COL21A1: variants seen among roughly 807,000 people sequenced by gnomAD.
The protein encoded by COL21A1 is collagen type XXI alpha 1 chain, also known as collagen alpha-1(XXI) chain.
COL21A1 carries 149 observed loss-of-function variants against 137.9 expected under a neutral mutation model. The observed-to-expected ratio is 1.08, with a 90% CI of 0.95 to 1.24. The LOEUF (loss-of-function observed/expected upper bound fraction) is 1.24. COL21A1 is among the 50% of genes most tolerant of loss of function. COL21A1 has a pLI of 0.00. For synonymous variants in COL21A1, 456 were observed against 391.5 expected, an observed-to-expected ratio of 1.16 and a Z score of -1.95; for missense variants, 1,167 against 1,158.4, an observed-to-expected ratio of 1.01 and a Z score of -0.11.
At chr6:56,121,476 A>G (rs1205535206) in intron 16 of COL21A1, among the ~76,000 whole-genome samples, 1 of 128,454 alleles carries the variant, frequency 7.8e-6, no homozygotes. Flanking sequence ...ATATGTATAT[A>G]TATATACATA....
chr6:56,102,880 A>C (rs910361787), intron 16 of COL21A1, among the ~76,000 whole-genome samples: 1 of 152,184 alleles, frequency 6.6e-6, no homozygotes, highest in Non-Finnish European at 1.5e-5. Flanking sequence ...CTGAAAATTA[A>C]CCAAATTAGA....
chr6:56,186,209 C>T (rs1220232015), intron 1 of COL21A1, among the ~76,000 whole-genome samples: 3 of 152,114 alleles, frequency 2.0e-5, no homozygotes, highest in Non-Finnish European at 4.4e-5. Flanking sequence ...CAAAATTCAA[C>T]TTATATAATG....
intron 1 of COL21A1, among the ~76,000 whole-genome samples, chr6:56,367,733 G>GT (rs1006959699): frequency 3.3e-5 from 5 of 152,006 alleles, no homozygotes; most frequent in South Asian, 2.1e-4. Flanking sequence ...ACAATTTTTT[G>GT]TTTTTTTGTA....
chr6:56,097,632 T>G (rs964012176), intron 17 of COL21A1, among the ~76,000 whole-genome samples: 2 of 149,954 alleles, frequency 1.3e-5, no homozygotes, highest in African/African-American at 4.9e-5. Flanking sequence ...AAGTCTTGAA[T>G]AAAGTGGGAG....
chr6:56,059,978 C>CA (rs748024854), intron 28 of COL21A1, 40 bp downstream of exon 28: 1 of 1,494,548 alleles, frequency 6.7e-7, no homozygotes, highest in Non-Finnish European at 9.1e-7. Context: ...TAAAAAAAGA[C>CA]TTTTTAAAAT....
chr6:56,369,065 A>C (rs1766165036), intron 1 of COL21A1, among the ~76,000 whole-genome samples: 3 of 152,184 alleles, frequency 2.0e-5, no homozygotes, highest in African/African-American at 7.2e-5. Context: ...CTAAGTATGA[A>C]TCCAGAGTAT....
At chr6:56,144,143 T>A (rs879791122) in intron 10 of COL21A1, among the ~76,000 whole-genome samples, 1 of 152,198 alleles carries the variant, frequency 6.6e-6, no homozygotes, top group Non-Finnish European at 1.5e-5. Context: ...CTGCTAGCAA[T>A]GTACAAATAT....
intron 19 of COL21A1, among the ~76,000 whole-genome samples, chr6:56,074,709 A>C (rs2114115536): frequency 6.6e-6 from 1 of 151,516 alleles, no homozygotes; most frequent in African/African-American, 2.4e-5. Context: ...ACATTCTAAT[A>C]AACTCTCTGG....
At chr6:56,083,110 G>C (rs79904972) in intron 17 of COL21A1, among the ~76,000 whole-genome samples, 9,214 of 151,946 alleles carry the variant, frequency 0.061, 363 homozygotes, top group Admixed American at 0.1. Context: ...CAGTTCTGTG[G>C]GTCAGAAGTC....
At chr6:56,142,591 G>T (rs1561911461) in intron 10 of COL21A1, among the ~76,000 whole-genome samples, 3 of 152,050 alleles carry the variant, frequency 2.0e-5, no homozygotes, top group Non-Finnish European at 4.4e-5. Flanking sequence ...CTCAAAAACT[G>T]GAACTTTGAT....
intron 1 of COL21A1, among the ~76,000 whole-genome samples, chr6:56,342,418 T>A (rs1298217512): frequency 6.6e-6 from 1 of 152,222 alleles, no homozygotes; most frequent in African/African-American, 2.4e-5. Context: ...AAAATCCCAC[T>A]GACCTGAGGA....
At chr6:56,221,014 T>C (rs933217988) in intron 1 of COL21A1, among the ~76,000 whole-genome samples, 38 of 152,146 alleles carry the variant, frequency 2.5e-4, no homozygotes, top group African/African-American at 8.7e-4. Flanking sequence ...TTAATTGATA[T>C]TTTGTAGTTC....
At chr6:56,138,162 CCG>C (rs1774141535) in intron 12 of COL21A1, among the ~76,000 whole-genome samples, 1 of 151,770 alleles carries the variant, frequency 6.6e-6, no homozygotes, top group African/African-American at 2.4e-5. Flanking sequence ...TTCTGAAAAC[CCG>C]ATTGTAACAA....
At chr6:56,208,078 T>C (rs1359393652) in intron 1 of COL21A1, among the ~76,000 whole-genome samples, 1 of 152,154 alleles carries the variant, frequency 6.6e-6, no homozygotes, top group African/African-American at 2.4e-5. Context: ...GCCAATGTTA[T>C]ACTGAATGGG....
At chr6:56,166,832 A>G in intron 7 of COL21A1, 74 bp downstream of exon 7, 1 of 1,047,124 alleles carries the variant, frequency 9.5e-7, no homozygotes. Context: ...ATACTCAGAT[A>G]GTATCTGCTT....
Position 56,325,678 on chromosome 6 carries a change from A to T in COL21A1, c.-39+68293T>A. Among the ~76,000 whole-genome samples, 3 of 1,802 alleles carry T rather than the reference A, an allele frequency of 1.7e-3. 1 individual carries two copies. The highest frequency in any genetic ancestry group is 6.4e-3 in the Non-Finnish European group (3 of 472). 1.2% of individuals were successfully genotyped at this position (1,802 alleles called of 152,430 possible). A position where few individuals can be genotyped will look rare whatever the true frequency, so the allele number is the denominator to read the frequency against. ...ATTATATATTAAATATATTATATAT[A>T]ATAGATAATATAAATATATATAATA... On this transcript the variant is annotated intron_variant, in intron 1 of 28. Transcript: ENST00000370819.
At chr6:56,188,506 ACTCCCAT>A (rs1475563074) in intron 1 of COL21A1, among the ~76,000 whole-genome samples, 2 of 152,052 alleles carry the variant, frequency 1.3e-5, no homozygotes, top group Non-Finnish European at 2.9e-5. Flanking sequence ...TATAGATAAA[ACTCCCAT>A]CTCCCTGGAC....
intron 1 of COL21A1, among the ~76,000 whole-genome samples, chr6:56,307,258 A>C (rs146800344): frequency 6.6e-6 from 1 of 152,280 alleles, no homozygotes; most frequent in Admixed American, 6.5e-5. Flanking sequence ...GCTGTAAGAC[A>C]GGGACATTTA....
chr6:56,110,726 G>T (rs1349133973), intron 16 of COL21A1, among the ~76,000 whole-genome samples: 1 of 151,948 alleles, frequency 6.6e-6, no homozygotes, highest in Non-Finnish European at 1.5e-5. Context: ...GTCTATTTAT[G>T]AGTATGAAGA....
Sources: allele counts gnomAD v4.1 joint callset (sites outside exome capture counted in the v4.1 genomes callset), GRCh38; gene constraint gnomAD v4.1.1; transcripts MANE v1.5; gene names NCBI Gene and HGNC (gene_info 2026-07-23, HGNC 2026-07-21).